ERN1: variants seen among roughly 807,000 people sequenced by gnomAD.
ERN1 encodes endoplasmic reticulum to nucleus signaling 1, also known as serine/threonine-protein kinase/endoribonuclease IRE1.
ERN1 carries 39 observed loss-of-function variants against 113.1 expected under a neutral mutation model. The ratio of observed to expected loss-of-function variants is 0.34; its 90% CI spans 0.27 to 0.45. The LOEUF is 0.45. ERN1 is among the 20% of genes least tolerant of loss of function. ERN1 has a pLI of 1.00. For synonymous variants in ERN1, 507 were observed against 515.9 expected (o/e 0.98, Z 0.23); for missense variants, 976 against 1,274.8 (o/e 0.77, Z 3.57).
chr17:64,098,278 G>T, intron 1 of ERN1, 37 bp from the exon 2 acceptor site: 2 of 1,613,162 alleles, frequency 1.2e-6, no homozygotes, highest in Non-Finnish European at 1.7e-6. Flanking sequence ...ATGTTGATAT[G>T]ATTCTTCACC....
chr17:64,059,445 G>A (rs573336775), intron 11 of ERN1, among the ~76,000 whole-genome samples: 8 of 152,090 alleles, frequency 5.3e-5, no homozygotes, highest in Admixed American at 3.9e-4. Flanking sequence ...GGCCTGAATC[G>A]GTCACTAAGC....
At chr17:64,047,194 A>G (rs962271403) in intron 19 of ERN1, among the ~76,000 whole-genome samples, 2 of 152,096 alleles carry the variant, frequency 1.3e-5, no homozygotes, top group Admixed American at 6.5e-5. Flanking sequence ...CCCCATCTCT[A>G]CTAAAAATAC....
chr17:64,076,703 C>T (rs1000592076), intron 4 of ERN1, among the ~76,000 whole-genome samples: 24 of 151,884 alleles, frequency 1.6e-4, no homozygotes, highest in African/African-American at 4.8e-4. Context: ...GGGTTGATGC[C>T]ATTCTCCTGC....
In ERN1 at chr17:64,044,584, G is replaced by C. The variant is rs1290942142; in HGVS notation, c.2721+276C>G. On this transcript the variant is annotated intron_variant, in intron 21 of 21. Transcript: ENST00000433197. The surrounding 1 kb of genome is among the most constrained non-coding windows in gnomAD (Gnocchi z 4.1). ...ACACACAGTGGCTGCATCAGACAGG[G>C]AGAGGGCCCCACAAAAGTCAGCGAC... Among the ~76,000 whole-genome samples the C allele has an allele frequency of 1.3e-5, 2 of 152,226 alleles. No individual in the cohort carries two copies. The highest frequency in any genetic ancestry group is 3.9e-4 in the East Asian group (2 of 5,192).
chr17:64,091,100 C>A (rs1598073295), intron 2 of ERN1, among the ~76,000 whole-genome samples: 1 of 152,244 alleles, frequency 6.6e-6, no homozygotes, highest in East Asian at 1.9e-4. Flanking sequence ...TAGAAAAGTC[C>A]TTGAGAGAAA....
chr17:64,047,587 T>C (rs1009782387), intron 19 of ERN1, among the ~76,000 whole-genome samples: 1 of 152,150 alleles, frequency 6.6e-6, no homozygotes, highest in Admixed American at 6.5e-5. Context: ...ATCCATATGA[T>C]AGAATACTAT....
chr17:64,098,096 C>T (rs769740755), intron 2 of ERN1, 25 bp downstream of exon 2: 6 of 1,612,864 alleles, frequency 3.7e-6, no homozygotes, highest in South Asian at 2.2e-5. Flanking sequence ...ATGTCCATGT[C>T]GCCCAAGGAC....
At position 64,066,694 on chromosome 17, in the gene ERN1, C is replaced by G; in HGVS notation, c.819G>C (p.Glu273Asp). 6.2e-7 allele frequency: 1 copy of G among 1,614,006 alleles called. No individual in the cohort carries two copies. The highest frequency in any genetic ancestry group is 8.5e-7 in the Non-Finnish European group (1 of 1,179,890). ...ITKWKYPFPK[E>D]TEAKSKLTPT... ...ACGTCAGCTTGCTCTTGGCCTCTGT[C>G]TCCTTGGGGAACGGGTACTTCCACT... The change falls in exon 8 of 22, where the codon GAG becomes GAC. Residue 273 changes from glutamate to aspartate, a missense_variant. Coordinates refer to ENST00000433197, the MANE Select transcript of ERN1 (RefSeq NM_001433.5).
Position 64,057,836 on chromosome 17 carries a change from A to G in ERN1, c.1364T>C (p.Ile455Thr), listed in dbSNP as rs772092333. The stretch of plus-strand genomic sequence containing the variant: ...GGTGATGATGAAGGCCACCCAGCCA[A>G]TCAGCAGGAAGGTGCTCAGGATGAT... ...ATIILSTFLL[I>T]GWVAFIITYP... Residue 455 changes from isoleucine (I) to threonine (T), a missense_variant, in exon 12 of 22, where the codon ATT (isoleucine) becomes ACT (threonine). Physicochemically the swap from Ile to Thr is moderately conservative, Grantham distance 89 (BLOSUM62 -1). This residue lies in a region of ERN1 where 459 missense variants were observed against 581.2 expected (regional missense o/e 0.79). Coordinates refer to ENST00000433197, the MANE Select transcript of ERN1 (RefSeq NM_001433.5). 3.1e-6 allele frequency: 5 copies of G among 1,613,972 alleles called. No individual in the cohort carries two copies. The highest frequency in any genetic ancestry group is 3.3e-5 in the Admixed American group (2 of 60,032).
chr17:64,071,296 G>C (rs1426843307), intron 6 of ERN1, among the ~76,000 whole-genome samples: 2 of 152,216 alleles, frequency 1.3e-5, no homozygotes, highest in Non-Finnish European at 2.9e-5. Context: ...AGTTGTGAGA[G>C]AGGATATTTG....
At position 64,115,168 on chromosome 17, in the gene ERN1, C is replaced by A. The variant is rs1398664912; in HGVS notation, c.54+14808G>T. ...TCTTGGGGATACTAAACTTACAGGACAAGGTAAGTCATTGGCTCATGGTCT... is the reference window on the plus strand; with the variant it reads ...TCTTGGGGATACTAAACTTACAGGAAAAGGTAAGTCATTGGCTCATGGTCT... On this transcript the variant is annotated intron_variant, in intron 1 of 21. Coordinates refer to ENST00000433197, the MANE Select transcript of ERN1 (RefSeq NM_001433.5). 3.9e-5 allele frequency among the ~76,000 whole-genome samples: 6 copies of A among 152,300 alleles called. No individual in the cohort carries two copies. The South Asian group carries it at 1.2e-3, about 32-fold the overall frequency.
intron 18 of ERN1, among the ~76,000 whole-genome samples, 162 bp downstream of exon 18, chr17:64,048,893 C>G (rs1450423067): frequency 6.6e-6 from 1 of 152,186 alleles, no homozygotes; most frequent in Non-Finnish European, 1.5e-5. Context: ...CCTACCAACC[C>G]TCTACCAGAT....
intron 1 of ERN1, among the ~76,000 whole-genome samples, chr17:64,099,906 G>A (rs1914337761): frequency 6.6e-6 from 1 of 152,220 alleles, no homozygotes; most frequent in African/African-American, 2.4e-5. Flanking sequence ...TGGAATGGGA[G>A]AAAGGACAGT....
At position 64,044,214 on chromosome 17, in the gene ERN1, G is replaced by C; in HGVS notation, c.2722-14C>G. On this transcript the variant is annotated splice_polypyrimidine_tract_variant and intron_variant, in intron 21 of 21. Transcript: ENST00000433197. The surrounding 1 kb of genome is among the most constrained non-coding windows in gnomAD (Gnocchi z 4.1). ...GTAGTGGTGCTTCTGCAAAGAGTTA[G>C]AAAGCTCGGGAGATTAGAAAGGGGT... is the stretch of plus-strand genomic sequence containing the variant. 1 of 1,498,910 alleles carries C rather than the reference G, an allele frequency of 6.7e-7. No individual in the cohort carries two copies. The highest frequency in any genetic ancestry group is 2.2e-5 in the Admixed American group (1 of 45,806). 92.9% of individuals were successfully genotyped at this position (1,498,910 alleles called of 1,614,324 possible).
At chr17:64,129,952 A>T (rs771230670) in intron 1 of ERN1, 24 bp downstream of exon 1, 1 of 1,439,206 alleles carries the variant, frequency 6.9e-7, no homozygotes, top group Non-Finnish European at 9.1e-7. Flanking sequence ...GCTGTCCTCC[A>T]CCCCACGCTC....
At chr17:64,109,501 T>C (rs1039261305) in intron 1 of ERN1, among the ~76,000 whole-genome samples, 3 of 152,200 alleles carry the variant, frequency 2.0e-5, no homozygotes, top group Non-Finnish European at 4.4e-5. Flanking sequence ...TGAAGTTGAT[T>C]TGAGGATCAC....
rs1245706850 is a variant in ERN1 at position 64,055,768 on chromosome 17, T to C, written c.1579A>G (p.Ser527Gly). The C allele has an allele frequency of 6.2e-7, 1 of 1,607,712 alleles. No homozygotes were observed. The highest frequency in any genetic ancestry group is 1.1e-5 in the South Asian group (1 of 90,000). ...YSESSGTSSPSTSPRASNHSL... is the reference protein window; with the variant it reads ...YSESSGTSSPGTSPRASNHSL... ...TGGTTGGAGGCCCTGGGGGACGTGC[T>C]GGGGCTGCTGGTGCCCGAGCTCTCT... The change falls in exon 13 of 22, where the codon AGC becomes GGC. Residue 527 changes from serine to glycine, a missense_variant. Transcript: ENST00000433197.
intron 1 of ERN1, among the ~76,000 whole-genome samples, chr17:64,111,961 GCTC>G (rs1291032151): frequency 1.3e-5 from 2 of 152,118 alleles, no homozygotes; most frequent in Non-Finnish European, 2.9e-5. Flanking sequence ...TACCTCCATT[GCTC>G]CTCATCTCTT....
At chr17:64,053,422 C>A (rs1912754072) in intron 15 of ERN1, 51 bp from the exon 16 acceptor site, 3 of 1,297,288 alleles carry the variant, frequency 2.3e-6, no homozygotes, top group Non-Finnish European at 3.1e-6. Flanking sequence ...CAGGACTTGG[C>A]CCCTCGGCTC....
Sources: gnomAD v4.1 joint callset for allele counts (sites outside exome capture counted in the v4.1 genomes callset) on GRCh38, gnomAD v4.1.1 for gene constraint, gnomAD v4.1.1 regional missense constraint, Gnocchi (gnomAD v3.1) non-coding constraint, MANE v1.5 for transcripts, NCBI Gene and HGNC (gene_info 2026-07-23, HGNC 2026-07-21) for gene names.